Variants in PREX2 observed in about 807,000 individuals in gnomAD.
PREX2 encodes the protein phosphatidylinositol 3,4,5-trisphosphate-dependent Rac exchanger 2 protein.
In PREX2, 107 loss-of-function variants were observed where a neutral mutation model predicts 203.2. The observed-to-expected ratio is 0.53, with a 90% CI of 0.45 to 0.62. The LOEUF (loss-of-function observed/expected upper bound fraction) is 0.62. Ranked by LOEUF, PREX2 falls within the 20% of genes least tolerant of loss-of-function variation. PREX2 has a pLI of 0.00. For missense variants in PREX2, 1,777 were observed against 1,955.9 expected, an observed-to-expected ratio of 0.91 and a Z score of 1.72; for synonymous variants, 672 against 663.6, an observed-to-expected ratio of 1.01 and a Z score of -0.19.
chr8:67,975,167 A>G (rs1352778568), intron 1 of PREX2, among the ~76,000 whole-genome samples: 2 of 151,242 alleles, frequency 1.3e-5, no homozygotes, highest in Non-Finnish European at 3.0e-5. Flanking sequence ...ACCCTGACCT[A>G]CTGAAAACCA....
At chr8:67,957,738 C>G (rs1805529703) in intron 1 of PREX2, among the ~76,000 whole-genome samples, 1 of 152,112 alleles carries the variant, frequency 6.6e-6, no homozygotes, top group Non-Finnish European at 1.5e-5. Flanking sequence ...CCTGACTCTT[C>G]CAGGCAAAGA....
chr8:68,106,703 T>G (rs2129612761), intron 23 of PREX2, among the ~76,000 whole-genome samples: 1 of 152,328 alleles, frequency 6.6e-6, no homozygotes, highest in East Asian at 1.9e-4. Context: ...ATTCTTGAAT[T>G]TAATCTAGAA....
chr8:68,106,588 C>T (rs573525728), intron 23 of PREX2, among the ~76,000 whole-genome samples: 46 of 152,064 alleles, frequency 3.0e-4, no homozygotes, highest in African/African-American at 1.1e-3. Flanking sequence ...ATTATACATG[C>T]GTATGTATAT....
chr8:68,117,047 T>C (rs1161773132), intron 26 of PREX2, among the ~76,000 whole-genome samples: 1 of 152,224 alleles, frequency 6.6e-6, no homozygotes, highest in Non-Finnish European at 1.5e-5. Context: ...AAGCAGAAAC[T>C]ATCTTCTTCA....
chr8:68,080,032 G>A (rs926427712), intron 15 of PREX2, among the ~76,000 whole-genome samples: 3 of 152,048 alleles, frequency 2.0e-5, no homozygotes, highest in African/African-American at 7.2e-5. Context: ...ATAATTGTGT[G>A]GGATATTAAA....
At chr8:68,161,346 G>C (rs911941841) in intron 35 of PREX2, among the ~76,000 whole-genome samples, 1 of 152,062 alleles carries the variant, frequency 6.6e-6, no homozygotes, top group Non-Finnish European at 1.5e-5. Flanking sequence ...GCCCACCTCA[G>C]CCTCCTAAAG....
intron 17 of PREX2, 102 bp from the exon 18 acceptor site, chr8:68,083,138 A>C: frequency 1.3e-6 from 1 of 780,226 alleles, no homozygotes; most frequent in East Asian, 2.7e-5. Context: ...TAAAATGTCA[A>C]TATCTATAAG....
chr8:67,986,850 C>A (rs74346257), intron 1 of PREX2, among the ~76,000 whole-genome samples: 1,581 of 151,996 alleles, frequency 0.01, 21 homozygotes, highest in African/African-American at 0.029. Context: ...TCACGAAAAC[C>A]AAACTTAAAG....
intron 33 of PREX2, among the ~76,000 whole-genome samples, chr8:68,140,093 G>T (rs563408232): frequency 1.7e-4 from 26 of 152,124 alleles, no homozygotes; most frequent in Non-Finnish European, 3.7e-4. Flanking sequence ...ACAAGTAGGA[G>T]AAGAACCAAT....
intron 23 of PREX2, chr8:68,105,183 GT>G (rs755628893): frequency 7.3e-7 from 1 of 1,367,838 alleles, no homozygotes; most frequent in African/African-American, 1.5e-5. Flanking sequence ...ACGGCATGCT[GT>G]CTGGGAGCAC....
At chr8:68,082,031 A>ATCAT (rs143880470) in intron 17 of PREX2, among the ~76,000 whole-genome samples, 205 of 34,204 alleles carry the variant, frequency 6.0e-3, no homozygotes, top group African/African-American at 0.017. Flanking sequence ...AAAACTTCTG[A>ATCAT]TCATTCATTC....
At chr8:68,205,853 A>T (rs1364869677) in intron 37 of PREX2, among the ~76,000 whole-genome samples, 1 of 152,236 alleles carries the variant, frequency 6.6e-6, no homozygotes, top group African/African-American at 2.4e-5. Flanking sequence ...ATTTATTTTT[A>T]CTACTTGATC....
At chr8:68,012,304 T>C (rs1037530202) in intron 1 of PREX2, among the ~76,000 whole-genome samples, 6 of 152,160 alleles carry the variant, frequency 3.9e-5, no homozygotes, top group Non-Finnish European at 5.9e-5. Context: ...ATTTGGATGG[T>C]ATAATGACAA....
intron 5 of PREX2, among the ~76,000 whole-genome samples, chr8:68,029,355 CCTG>C (rs1381417300): frequency 1.2e-4 from 19 of 152,022 alleles, no homozygotes; most frequent in Non-Finnish European, 2.6e-4. Flanking sequence ...CATAGAGGCA[CCTG>C]TGGTGCCTCT....
At chr8:67,973,128 C>T (rs1318087024) in intron 1 of PREX2, among the ~76,000 whole-genome samples, 1 of 152,164 alleles carries the variant, frequency 6.6e-6, no homozygotes, top group Non-Finnish European at 1.5e-5. Context: ...CAGGCCTCCC[C>T]TGCTTCTTCT....
At chr8:68,076,066 G>T (rs1316972726) in intron 14 of PREX2, among the ~76,000 whole-genome samples, 3 of 152,180 alleles carry the variant, frequency 2.0e-5, no homozygotes, top group Non-Finnish European at 4.4e-5. Context: ...ATAAAACCAA[G>T]ATATGGAAAG....
chr8:68,133,181 C>A (rs1811041965), intron 31 of PREX2, among the ~76,000 whole-genome samples: 1 of 152,160 alleles, frequency 6.6e-6, no homozygotes, highest in Non-Finnish European at 1.5e-5. Flanking sequence ...ACAGGAAAAA[C>A]TGCCATGTAT....
chr8:68,055,565 G>C (rs2129611200), intron 9 of PREX2, among the ~76,000 whole-genome samples: 1 of 152,272 alleles, frequency 6.6e-6, no homozygotes, highest in East Asian at 1.9e-4. Flanking sequence ...CTGAGACTCA[G>C]CTGCTCTTCT....
intron 17 of PREX2, chr8:68,083,026 G>A: frequency 4.9e-6 from 2 of 407,604 alleles, no homozygotes; most frequent in Admixed American, 3.8e-5. Context: ...GATAATTTTG[G>A]TAAAGTTCTG....
Sources: allele counts gnomAD v4.1 joint callset (sites outside exome capture counted in the v4.1 genomes callset), GRCh38; gene constraint gnomAD v4.1.1; transcripts MANE v1.5; gene names NCBI Gene and HGNC (gene_info 2026-07-23, HGNC 2026-07-21).